The following DAB1 variants were observed in gnomAD, a reference collection of about 807,000 sequenced individuals.
DAB1 encodes the protein DAB adaptor protein 1, also known as disabled homolog 1.
In DAB1, 15 loss-of-function variants were observed where a neutral mutation model predicts 64.6. The ratio of observed to expected loss-of-function variants is 0.23; its 90% CI spans 0.16 to 0.36. The LOEUF (loss-of-function observed/expected upper bound fraction) is 0.36. Ranked by LOEUF, DAB1 falls within the 10% of genes least tolerant of loss-of-function variation. The pLI, the probability that DAB1 is intolerant of heterozygous loss-of-function variation, is 1.00. For missense variants in DAB1, 596 were observed against 706.7 expected (o/e 0.84, Z 1.78); for synonymous variants, 235 against 251.9 (o/e 0.93, Z 0.64).
chr1:58,006,808 A>G (rs1646591096), intron 5 of DAB1, among the ~76,000 whole-genome samples: 1 of 152,188 alleles, frequency 6.6e-6, no homozygotes, highest in Admixed American at 6.5e-5. Flanking sequence ...TGCTCCTGTG[A>G]AGGTGAAACA....
At chr1:58,056,528 G>A (rs1648119140) in intron 5 of DAB1, 1 of 1,005,402 alleles carries the variant, frequency 9.9e-7, no homozygotes, top group Admixed American at 1.7e-5. Context: ...TTAATGTTGG[G>A]TTATGTCACC....
At chr1:58,294,865 C>CGTGAGTGT (rs1661931547) in intron 4 of DAB1, among the ~76,000 whole-genome samples, 1 of 137,634 alleles carries the variant, frequency 7.3e-6, no homozygotes, top group Non-Finnish European at 1.6e-5. Flanking sequence ...TGGTCCAGAA[C>CGTGAGTGT]GTGTGTGTGT....
chr1:58,198,046 T>C (rs1020713704), intron 4 of DAB1, among the ~76,000 whole-genome samples: 1 of 152,210 alleles, frequency 6.6e-6, no homozygotes, highest in African/African-American at 2.4e-5. Context: ...CAGCATCATA[T>C]CATGGTAGGC....
chr1:58,493,201 T>TA (rs1645731233), intron 3 of DAB1, among the ~76,000 whole-genome samples: 1 of 151,878 alleles, frequency 6.6e-6, no homozygotes, highest in African/African-American at 2.4e-5. Context: ...AAAAGGCCTT[T>TA]GACAAAATTC....
intron 5 of DAB1, among the ~76,000 whole-genome samples, chr1:57,988,359 C>A (rs1256741432): frequency 6.6e-6 from 1 of 152,214 alleles, no homozygotes; most frequent in Non-Finnish European, 1.5e-5. Context: ...TGGCAAGTGA[C>A]TTAACCTCTC....
intron 1 of DAB1, among the ~76,000 whole-genome samples, chr1:57,339,160 TA>T (rs773984921): frequency 8.4e-4 from 126 of 149,738 alleles, no homozygotes; most frequent in African/African-American, 2.1e-3. Flanking sequence ...AATTAATTAT[TA>T]TTTTTTTTTT....
At chr1:58,118,826 G>T (rs1274500663) in intron 5 of DAB1, among the ~76,000 whole-genome samples, 1 of 151,666 alleles carries the variant, frequency 6.6e-6, no homozygotes, top group Non-Finnish European at 1.5e-5. Flanking sequence ...AAATAGCAGT[G>T]CTGGGCAGTA....
intron 3 of DAB1, among the ~76,000 whole-genome samples, chr1:58,492,226 G>GACACA (rs1174617407): frequency 6.6e-6 from 1 of 152,036 alleles, no homozygotes; most frequent in Non-Finnish European, 1.5e-5. Context: ...CGAGAACAAA[G>GACACA]ACACAACATA....
At chr1:57,206,095 T>C (rs1047359882) in intron 2 of DAB1, among the ~76,000 whole-genome samples, 9 of 152,242 alleles carry the variant, frequency 5.9e-5, no homozygotes, top group African/African-American at 2.2e-4. Flanking sequence ...CTGAGGGTGC[T>C]GGAGCAGGGA....
intron 3 of DAB1, among the ~76,000 whole-genome samples, chr1:58,424,952 C>T (rs1165832262): frequency 6.6e-6 from 1 of 151,100 alleles, no homozygotes; most frequent in African/African-American, 2.4e-5. Flanking sequence ...TGTGTGGAGG[C>T]AATCCTATGT....
At chr1:57,485,359 C>T (rs184340686) in intron 7 of DAB1, among the ~76,000 whole-genome samples, 80 of 152,246 alleles carry the variant, frequency 5.3e-4, no homozygotes, top group African/African-American at 1.9e-3. Context: ...ATTACTTACC[C>T]CCTCTCTGAT....
At chr1:57,821,955 C>T (rs1652140780), downstream of DAB1, among the ~76,000 whole-genome samples, 1 of 152,150 alleles carries the variant, frequency 6.6e-6, no homozygotes, top group African/African-American at 2.4e-5. Context: ...TAGAATTTAT[C>T]CTCAAAACTA....
At chr1:57,767,320 T>C (rs1649358290) in intron 6 of DAB1, among the ~76,000 whole-genome samples, 1 of 152,088 alleles carries the variant, frequency 6.6e-6, no homozygotes, top group Admixed American at 6.6e-5. Context: ...CAAAAGATAC[T>C]CCTATCACCT....
At chr1:58,480,789 C>T (rs1017477535) in intron 3 of DAB1, 3 of 498,592 alleles carry the variant, frequency 6.0e-6, no homozygotes, top group African/African-American at 3.9e-5. Context: ...GATTAAAATA[C>T]ATCAATATTT....
chr1:57,933,228 G>A (rs533634042), intron 5 of DAB1, among the ~76,000 whole-genome samples: 2 of 152,194 alleles, frequency 1.3e-5, no homozygotes, highest in African/African-American at 4.8e-5. Context: ...GGTTCCAGTG[G>A]AGCTTTCTGC....
chr1:58,219,027 G>C (rs28470801), intron 4 of DAB1, among the ~76,000 whole-genome samples: 22,293 of 61,034 alleles, frequency 0.37, 2,081 homozygotes, highest in Non-Finnish European at 0.47. Flanking sequence ...CTCTCTCTCT[G>C]TGTGTGTGTG....
At chr1:57,163,391 G>A (rs1192438222) in intron 2 of DAB1, among the ~76,000 whole-genome samples, 2 of 151,952 alleles carry the variant, frequency 1.3e-5, no homozygotes, top group Non-Finnish European at 2.9e-5. Flanking sequence ...AGGAGGGAAT[G>A]TGTTTGGCCT....
chr1:57,386,386 A>AG (rs1553175878), intron 1 of DAB1, among the ~76,000 whole-genome samples: 1,970 of 144,214 alleles, frequency 0.014, 37 homozygotes, highest in South Asian at 0.033. Context: ...AAAAAAAAAA[A>AG]ACCCGTCTTT....
intron 5 of DAB1, among the ~76,000 whole-genome samples, chr1:57,919,262 T>G (rs1388341815): frequency 6.6e-6 from 1 of 152,198 alleles, no homozygotes; most frequent in African/African-American, 2.4e-5. Flanking sequence ...TGGCAGTTCC[T>G]TTTTTATCCC....
Sources: allele counts gnomAD v4.1 joint callset (sites outside exome capture counted in the v4.1 genomes callset), GRCh38; gene constraint gnomAD v4.1.1; transcripts MANE v1.5; gene names NCBI Gene and HGNC (gene_info 2026-07-23, HGNC 2026-07-21).